FERMT2: variants seen among roughly 807,000 people sequenced by gnomAD.
FERMT2 encodes FERM domain containing kindlin 2.
A neutral mutation model predicts 82.7 loss-of-function variants in FERMT2; 15 were observed. The observed-to-expected ratio is 0.18, with a 90% CI of 0.12 to 0.28. The LOEUF (loss-of-function observed/expected upper bound fraction) is 0.28, where lower values mean the gene tolerates loss of function less well. Ranked by LOEUF, FERMT2 falls within the 10% of genes least tolerant of loss-of-function variation. FERMT2 has a pLI of 1.00. For missense variants in FERMT2, 645 were observed against 809.4 expected (o/e 0.80, Z 2.46); for synonymous variants, 274 against 271.5 (o/e 1.01, Z -0.09).
At chr14:52,913,088 G>C (rs1256877039) in intron 3 of FERMT2, among the ~76,000 whole-genome samples, 1 of 151,990 alleles carries the variant, frequency 6.6e-6, no homozygotes, top group African/African-American at 2.4e-5. Context: ...GTTAAAAACA[G>C]CAACAACAAA....
intron 3 of FERMT2, among the ~76,000 whole-genome samples, chr14:52,916,336 T>A: frequency 6.9e-6 from 1 of 144,750 alleles, no homozygotes; most frequent in African/African-American, 2.6e-5. Context: ...AGAGCGAGAC[T>A]CGTCTCAAAA....
chr14:52,918,228 A>G (rs1410420514), intron 3 of FERMT2, among the ~76,000 whole-genome samples: 1 of 152,196 alleles, frequency 6.6e-6, no homozygotes, highest in Non-Finnish European at 1.5e-5. Context: ...ACACATAGAA[A>G]GATCTCTAAG....
chr14:52,909,650 T>C (rs1320026650), intron 3 of FERMT2, among the ~76,000 whole-genome samples: 3 of 152,028 alleles, frequency 2.0e-5, no homozygotes, highest in Admixed American at 6.6e-5. Flanking sequence ...TAGCCAGGTG[T>C]GGTGGCGGGC....
chr14:52,882,661 A>G (rs944421405), intron 4 of FERMT2, among the ~76,000 whole-genome samples: 1 of 152,178 alleles, frequency 6.6e-6, no homozygotes, highest in African/African-American at 2.4e-5. Context: ...ATTTAGGGTT[A>G]AGCTTAGAAA....
Position 52,859,635 on chromosome 14 carries a change from C to T in FERMT2, c.1807G>A (p.Ala603Thr). Reference protein sequence around the residue: ...LIRMDASTGDAIKTWRFSNMK... With the variant: ...LIRMDASTGDTIKTWRFSNMK... ...TTGCTGAAACGCCATGTTTTAATTGCATCTCCAGTGCTGGCATCCATCCGA... is the reference window on the plus strand; with the variant it reads ...TTGCTGAAACGCCATGTTTTAATTGTATCTCCAGTGCTGGCATCCATCCGA... The change falls in exon 14 of 15, where the codon GCA (alanine) becomes ACA (threonine). Residue 603 changes from alanine to threonine, a missense_variant. By Grantham distance (58) the Ala-to-Thr change is moderately conservative. Coordinates refer to ENST00000341590, the MANE Select transcript of FERMT2 (RefSeq NM_006832.3). 1 of 1,612,140 alleles carries T rather than the reference C, an allele frequency of 6.2e-7. No homozygotes were observed. Among genetic ancestry groups the T allele is most frequent in the Non-Finnish European group, 8.5e-7 (1 of 1,178,958 alleles).
At chr14:52,947,655 T>C (rs1890422930) in intron 2 of FERMT2, among the ~76,000 whole-genome samples, 1 of 152,204 alleles carries the variant, frequency 6.6e-6, no homozygotes, top group African/African-American at 2.4e-5. Flanking sequence ...AAACATTATT[T>C]ACACTTATGT....
chr14:52,897,391 A>G (rs1175574336), intron 3 of FERMT2, among the ~76,000 whole-genome samples: 1 of 152,152 alleles, frequency 6.6e-6, no homozygotes, highest in Non-Finnish European at 1.5e-5. Flanking sequence ...CAAGATGGAT[A>G]TATGTTCTTG....
At chr14:52,893,838 T>C (rs1048200241) in intron 3 of FERMT2, among the ~76,000 whole-genome samples, 2 of 152,000 alleles carry the variant, frequency 1.3e-5, no homozygotes, top group East Asian at 1.9e-4. Context: ...TTTTGTTTTT[T>C]TTTTTTTGAG....
chr14:52,923,874 A>G (rs1396088722), intron 2 of FERMT2, among the ~76,000 whole-genome samples: 1 of 152,214 alleles, frequency 6.6e-6, no homozygotes, highest in Non-Finnish European at 1.5e-5. Context: ...GGCAAAAGAT[A>G]AAAACAGAAA....
intron 3 of FERMT2, among the ~76,000 whole-genome samples, chr14:52,898,462 A>T (rs1290519184): frequency 6.6e-6 from 1 of 152,108 alleles, no homozygotes; most frequent in African/African-American, 2.4e-5. Context: ...TCAGAAACTC[A>T]GAAGTGATTT....
chr14:52,912,072 G>A (rs1888347337), intron 3 of FERMT2, among the ~76,000 whole-genome samples: 1 of 149,360 alleles, frequency 6.7e-6, no homozygotes, highest in African/African-American at 2.5e-5. Context: ...CCCCTTCCCT[G>A]TCGTGCTGCC....
At chr14:52,940,779 C>G (rs542354628) in intron 2 of FERMT2, among the ~76,000 whole-genome samples, 1 of 151,992 alleles carries the variant, frequency 6.6e-6, no homozygotes, top group Non-Finnish European at 1.5e-5. Context: ...TGAGATAGTA[C>G]TACTTACTTA....
At chr14:52,948,059 A>G (rs2139718227) in intron 2 of FERMT2, among the ~76,000 whole-genome samples, 1 of 152,348 alleles carries the variant, frequency 6.6e-6, no homozygotes, top group South Asian at 2.1e-4. Context: ...AGGCCACAGT[A>G]GCCCAAGTCT....
At chr14:52,911,011 G>C (rs1888278707) in intron 3 of FERMT2, among the ~76,000 whole-genome samples, 1 of 152,042 alleles carries the variant, frequency 6.6e-6, no homozygotes, top group Admixed American at 6.5e-5. Context: ...ATTATTCCTG[G>C]GAAGAGTTAT....
chr14:52,896,549 G>C (rs2139559630), intron 3 of FERMT2, among the ~76,000 whole-genome samples: 1 of 152,258 alleles, frequency 6.6e-6, no homozygotes, highest in South Asian at 2.1e-4. Flanking sequence ...GTGTGACTCT[G>C]GACAAGCTAC....
chr14:52,877,344 T>C (rs1473120653), intron 7 of FERMT2, among the ~76,000 whole-genome samples: 1 of 152,056 alleles, frequency 6.6e-6, no homozygotes, highest in African/African-American at 2.4e-5. Flanking sequence ...AAGAAAGCCA[T>C]AACCACGTGA....
chr14:52,860,575 T>C, intron 12 of FERMT2, 110 bp from the exon 13 acceptor site: 1 of 876,972 alleles, frequency 1.1e-6, no homozygotes, highest in South Asian at 1.9e-5. Flanking sequence ...AAAATCATAT[T>C]GTAAGAGTTG....
At chr14:52,897,528 A>C (rs1469556464) in intron 3 of FERMT2, among the ~76,000 whole-genome samples, 1 of 152,208 alleles carries the variant, frequency 6.6e-6, no homozygotes, top group Non-Finnish European at 1.5e-5. Flanking sequence ...AAAAATTAAC[A>C]TGGGAGCAAT....
chr14:52,896,556 C>G (rs1887264292), intron 3 of FERMT2, among the ~76,000 whole-genome samples: 1 of 152,196 alleles, frequency 6.6e-6, no homozygotes, highest in African/African-American at 2.4e-5. Context: ...TCTGGACAAG[C>G]TACTCAGCCT....
Sources: gnomAD v4.1 joint callset for allele counts (sites outside exome capture counted in the v4.1 genomes callset) on GRCh38, gnomAD v4.1.1 for gene constraint, MANE v1.5 for transcripts, NCBI Gene and HGNC (gene_info 2026-07-23, HGNC 2026-07-21) for gene names.